Variants in FOXP2 observed in about 807,000 individuals in gnomAD.
FOXP2 encodes the protein forkhead box P2.
Under a neutral mutation model 115.8 loss-of-function variants are expected in FOXP2, and 12 were observed. The ratio of observed to expected loss-of-function variants is 0.10; its 90% confidence interval spans 0.07 to 0.17. The LOEUF (loss-of-function observed/expected upper bound fraction) is 0.17. Ranked by LOEUF, FOXP2 falls within the 10% of genes least tolerant of loss-of-function variation. The probability of loss-of-function intolerance (pLI) is 1.00; values close to 1 mark genes in which losing one functional copy is unlikely to be tolerated. For synonymous variants in FOXP2, 328 were observed against 297.7 expected (o/e 1.10, Z -1.05); for missense variants, 629 against 843.5 (o/e 0.75, Z 3.15).
intron 3 of FOXP2, among the ~76,000 whole-genome samples, chr7:114,609,689 G>T (rs1803528627): frequency 6.6e-6 from 1 of 151,924 alleles, no homozygotes; most frequent in Non-Finnish European, 1.5e-5. Flanking sequence ...GAACCTTTTT[G>T]CCAGTGTCAG....
intron 2 of FOXP2, among the ~76,000 whole-genome samples, chr7:114,497,384 A>G (rs1200718149): frequency 6.6e-6 from 1 of 152,210 alleles, no homozygotes; most frequent in Non-Finnish European, 1.5e-5. Context: ...ATGCTGGCTC[A>G]CGCTTGTAAT....
intron 1 of FOXP2, among the ~76,000 whole-genome samples, chr7:114,209,332 C>G (rs368720680): frequency 1.3e-5 from 2 of 152,176 alleles, no homozygotes; most frequent in African/African-American, 4.8e-5. Flanking sequence ...TTATAAATTA[C>G]TCAGTCTTGG....
intron 3 of FOXP2, among the ~76,000 whole-genome samples, chr7:114,582,260 C>A (rs1040506467): frequency 1.3e-5 from 2 of 152,110 alleles, no homozygotes; most frequent in Non-Finnish European, 2.9e-5. Context: ...TAAAGATGAG[C>A]AAACTCATAG....
intron 1 of FOXP2, among the ~76,000 whole-genome samples, chr7:114,137,914 A>G (rs1281418857): frequency 1.3e-5 from 2 of 152,280 alleles, no homozygotes; most frequent in South Asian, 2.1e-4. Flanking sequence ...AGTAGTGGCC[A>G]TATCTTGGTT....
At chr7:114,447,232 A>T (rs991875977) in intron 2 of FOXP2, among the ~76,000 whole-genome samples, 3 of 151,938 alleles carry the variant, frequency 2.0e-5, no homozygotes, top group Admixed American at 1.3e-4. Flanking sequence ...CACCAGTTTG[A>T]CATCTCTCTC....
chr7:114,550,450 C>T (rs1800153728), intron 3 of FOXP2, among the ~76,000 whole-genome samples: 1 of 152,042 alleles, frequency 6.6e-6, no homozygotes, highest in Non-Finnish European at 1.5e-5. Flanking sequence ...TTCTTTCTTC[C>T]AACCTCCCTC....
At chr7:114,156,629 C>T (rs1476728527) in intron 1 of FOXP2, among the ~76,000 whole-genome samples, 1 of 152,086 alleles carries the variant, frequency 6.6e-6, no homozygotes, top group Non-Finnish European at 1.5e-5. Flanking sequence ...TGTATAAAAC[C>T]AAGCTAAGGT....
At chr7:114,221,933 C>CTGGAATATTCCAA (rs1794633286) in intron 1 of FOXP2, among the ~76,000 whole-genome samples, 4 of 152,078 alleles carry the variant, frequency 2.6e-5, no homozygotes, top group Admixed American at 2.6e-4. Context: ...TTCCATCAAG[C>CTGGAATATTCCAA]CACTGACTGC....
intron 1 of FOXP2, among the ~76,000 whole-genome samples, chr7:114,252,492 G>T (rs893237980): frequency 6.6e-6 from 1 of 152,112 alleles, no homozygotes; most frequent in African/African-American, 2.4e-5. Flanking sequence ...TCTATTCAGA[G>T]ATTCAACTTC....
intron 1 of FOXP2, among the ~76,000 whole-genome samples, chr7:114,249,286 G>A (rs993150944): frequency 6.6e-6 from 1 of 152,112 alleles, no homozygotes; most frequent in Non-Finnish European, 1.5e-5. Context: ...GTGCCATGGT[G>A]GTTTGCTGCA....
intron 2 of FOXP2, among the ~76,000 whole-genome samples, chr7:114,514,280 T>A (rs1006368984): frequency 2.0e-5 from 3 of 152,094 alleles, no homozygotes; most frequent in African/African-American, 7.2e-5. Context: ...ATGTTAAAAA[T>A]CTACTTCCTT....
intron 2 of FOXP2, among the ~76,000 whole-genome samples, chr7:114,399,226 G>C (rs1242825119): frequency 6.6e-6 from 1 of 151,150 alleles, no homozygotes; most frequent in Non-Finnish European, 1.5e-5. Context: ...TCCTGACTCA[G>C]CCTCCCGAGT....
chr7:114,356,729 A>G (rs1476081938), intron 2 of FOXP2, among the ~76,000 whole-genome samples: 1 of 152,194 alleles, frequency 6.6e-6, no homozygotes, highest in East Asian at 1.9e-4. Context: ...TCCTTCTAAT[A>G]TTAGTCAAGG....
intron 3 of FOXP2, among the ~76,000 whole-genome samples, chr7:114,623,653 C>T (rs1804376316): frequency 6.6e-6 from 1 of 151,864 alleles, no homozygotes; most frequent in Admixed American, 6.6e-5. Context: ...AGAATATAAT[C>T]TCTTGAAATA....
At chr7:114,151,003 T>C (rs1414007279) in intron 1 of FOXP2, among the ~76,000 whole-genome samples, 1 of 152,078 alleles carries the variant, frequency 6.6e-6, no homozygotes, top group Non-Finnish European at 1.5e-5. Flanking sequence ...TTTAAAAATT[T>C]GGAAAAGCTT....
chr7:114,237,306 T>G (rs1419598118), intron 1 of FOXP2, among the ~76,000 whole-genome samples: 1 of 152,222 alleles, frequency 6.6e-6, no homozygotes, highest in African/African-American at 2.4e-5. Flanking sequence ...ATATTTGAAG[T>G]CAGAGGCTTG....
intron 3 of FOXP2, 60 bp downstream of exon 3, chr7:114,534,766 G>C (rs186590490): frequency 7.6e-7 from 1 of 1,322,756 alleles, no homozygotes; most frequent in East Asian, 2.3e-5. Flanking sequence ...AATGATAACA[G>C]ATGTGCAGAC....
At chr7:114,554,387 AT>A (rs1800358383) in intron 3 of FOXP2, among the ~76,000 whole-genome samples, 1 of 152,130 alleles carries the variant, frequency 6.6e-6, no homozygotes, top group Non-Finnish European at 1.5e-5. Context: ...CTGTACTTCT[AT>A]TTTAAATGTA....
intron 16 of FOXP2, among the ~76,000 whole-genome samples, chr7:114,678,115 A>G (rs1224187586): frequency 6.6e-6 from 1 of 152,220 alleles, no homozygotes; most frequent in Non-Finnish European, 1.5e-5. Context: ...GTTAGGCTTA[A>G]CGTGAAGTCA....
Sources: gnomAD v4.1 joint callset for allele counts (sites outside exome capture counted in the v4.1 genomes callset) on GRCh38, gnomAD v4.1.1 for gene constraint, MANE v1.5 for transcripts, NCBI Gene and HGNC (gene_info 2026-07-23, HGNC 2026-07-21) for gene names.